Variants in VPS4B observed in about 807,000 individuals in gnomAD.
VPS4B encodes the protein vacuolar protein sorting 4 homolog B.
In VPS4B, 23 loss-of-function variants were observed where a neutral mutation model predicts 56.1. The ratio of observed to expected loss-of-function variants is 0.41; its 90% CI spans 0.30 to 0.58. The LOEUF (loss-of-function observed/expected upper bound fraction) is 0.58, where lower values mean the gene tolerates loss of function less well. VPS4B is among the 20% of genes least tolerant of loss of function. The pLI is 0.29. For missense variants in VPS4B, 372 were observed against 531.9 expected (o/e 0.70, Z 2.96); for synonymous variants, 177 against 186.0 (o/e 0.95, Z 0.39).
At chr18:63,409,400 T>G (rs1348375824) in intron 3 of VPS4B, among the ~76,000 whole-genome samples, 1 of 152,192 alleles carries the variant, frequency 6.6e-6, no homozygotes, top group African/African-American at 2.4e-5. Flanking sequence ...CCTGCGCCAC[T>G]GCATACCATG....
chr18:63,411,986 T>C (rs1916055531), intron 1 of VPS4B, among the ~76,000 whole-genome samples: 1 of 152,168 alleles, frequency 6.6e-6, no homozygotes, highest in Non-Finnish European at 1.5e-5. Flanking sequence ...CTAAAAGATA[T>C]AACAATAGTG....
At chr18:63,408,918 A>T (rs1568088633) in intron 3 of VPS4B, among the ~76,000 whole-genome samples, 1 of 152,192 alleles carries the variant, frequency 6.6e-6, no homozygotes, top group Non-Finnish European at 1.5e-5. Context: ...TGGACAAGGG[A>T]AGAGAAGCTT....
At chr18:63,421,653 G>A (rs1484540718) in intron 1 of VPS4B, among the ~76,000 whole-genome samples, 2 of 152,166 alleles carry the variant, frequency 1.3e-5, no homozygotes, top group African/African-American at 4.8e-5. Flanking sequence ...TGCGGTAGAG[G>A]AGGGGAAGTG....
intron 1 of VPS4B, among the ~76,000 whole-genome samples, chr18:63,420,993 A>C (rs1375008510): frequency 6.7e-6 from 1 of 149,964 alleles, no homozygotes; most frequent in South Asian, 2.1e-4. Context: ...AGCTGAAATC[A>C]CGCCACTGCA....
At chr18:63,394,469 C>CTTT (rs554481058) in intron 9 of VPS4B, among the ~76,000 whole-genome samples, 1 of 143,040 alleles carries the variant, frequency 7.0e-6, no homozygotes. Context: ...GGAGGCACTT[C>CTTT]TTTTTTTTTT....
rs893157709 is a variant in VPS4B at position 63,422,304 on chromosome 18, A to C, written c.-45T>G. ...TCCCAAGGGAACGAGGGGCGAGGAGAGCCAACAGCAGCAACGTCGAAGCGC... is the reference window on the plus strand; with the variant it reads ...TCCCAAGGGAACGAGGGGCGAGGAGCGCCAACAGCAGCAACGTCGAAGCGC... On this transcript the variant is annotated 5_prime_UTR_variant, in exon 1 of 11. Coordinates refer to ENST00000238497, the MANE Select transcript of VPS4B (RefSeq NM_004869.4). 1 of 1,461,836 alleles carries C rather than the reference A, an allele frequency of 6.8e-7. No homozygotes were observed. The highest frequency in any genetic ancestry group is 9.1e-7 in the Non-Finnish European group (1 of 1,102,844). 90.6% of individuals were successfully genotyped at this position (1,461,836 alleles called of 1,614,324 possible).
chr18:63,391,117 G>C, intron 10 of VPS4B, 41 bp from the exon 11 acceptor site: 2 of 1,328,792 alleles, frequency 1.5e-6, no homozygotes, highest in Non-Finnish European at 2.1e-6. Context: ...ATTAATAATA[G>C]AGTTAACAAA....
In VPS4B at chr18:63,403,809, G is replaced by T. The variant is rs1387781185; in HGVS notation, c.382C>A (p.Arg128=). 3 of 1,608,290 alleles carry T rather than the reference G, an allele frequency of 1.9e-6. No individual in the cohort carries two copies. Among genetic ancestry groups the T allele is most frequent in the East Asian group, 4.5e-5 (2 of 44,764 alleles). ...ACGTCACTCCATTTCACATTTGGTC[G>T]TTCTATAACAATGGCACCTGCAAAA... ...NQLQGAIVIE[R]PNVKWSDVAG... is the part of the protein sequence containing the mutation. The change falls in exon 5 of 11, where the codon CGA becomes AGA. Residue 128 remains arginine (R), a synonymous_variant. Coordinates refer to ENST00000238497, the MANE Select transcript of VPS4B (RefSeq NM_004869.4).
intron 9 of VPS4B, among the ~76,000 whole-genome samples, chr18:63,394,237 A>G (rs1462817709): frequency 1.3e-5 from 2 of 152,242 alleles, no homozygotes; most frequent in Non-Finnish European, 2.9e-5. Flanking sequence ...GTTGCTCTAT[A>G]GCTGAGAAAC....
At chr18:63,419,993 A>G (rs980648939) in intron 1 of VPS4B, among the ~76,000 whole-genome samples, 1 of 152,238 alleles carries the variant, frequency 6.6e-6, no homozygotes, top group Non-Finnish European at 1.5e-5. Flanking sequence ...TTCCTAGGTT[A>G]GAAGGTTGAA....
At chr18:63,407,011 A>C (rs1915933541) in intron 4 of VPS4B, among the ~76,000 whole-genome samples, 1 of 152,248 alleles carries the variant, frequency 6.6e-6, no homozygotes, top group African/African-American at 2.4e-5. Context: ...GCAGTTAAGA[A>C]ACAAAATAAA....
At position 63,397,105 on chromosome 18, in the gene VPS4B, TATC is replaced by T; in HGVS notation, c.1018_1020del (p.Asp340del). 3 of 1,614,236 alleles carry T rather than the reference TATC, an allele frequency of 1.9e-6. No homozygotes were observed. Among genetic ancestry groups the T allele is most frequent in the Non-Finnish European group, 2.5e-6 (3 of 1,180,040 alleles). On this transcript the variant is annotated inframe_deletion, in exon 9 of 11. Transcript: ENST00000238497. ...AGGGCATCACGTACAATGATACTTA[TATC>T]TGCCCCTGAATAACCATCTGTTTTC...
At chr18:63,393,279 T>A in intron 10 of VPS4B, 130 bp downstream of exon 10, 1 of 842,880 alleles carries the variant, frequency 1.2e-6, no homozygotes, top group Middle Eastern at 3.9e-4. Flanking sequence ...TTCATAATTT[T>A]TAATGAGTCA....
chr18:63,391,586 C>T (rs554211168), intron 10 of VPS4B, among the ~76,000 whole-genome samples: 3 of 152,228 alleles, frequency 2.0e-5, no homozygotes, highest in East Asian at 3.9e-4. Context: ...TGTGTAGAAA[C>T]GTATACTTTC....
Position 63,403,755 on chromosome 18 carries a change from G to T in VPS4B, c.436C>A (p.Leu146Met), listed in dbSNP as rs1304398410. The change falls in exon 5 of 11, where the codon CTG becomes ATG. Residue 146 changes from leucine (L) to methionine (M), a missense_variant. Coordinates refer to ENST00000238497, the MANE Select transcript of VPS4B (RefSeq NM_004869.4). Reference sequence around the variant, plus strand: ...ATAGGCAGTATCACAGCCTCTTTCAGTGCTTCTTTGGCTCCTTCAAGTCCA... The same window carrying T: ...ATAGGCAGTATCACAGCCTCTTTCATTGCTTCTTTGGCTCCTTCAAGTCCA... ...VAGLEGAKEA[L>M]KEAVILPIKF... 3 of 1,613,390 alleles carry T rather than the reference G, an allele frequency of 1.9e-6. No homozygotes were observed.
At chr18:63,412,907 A>G (rs1393736550) in intron 1 of VPS4B, among the ~76,000 whole-genome samples, 10 of 152,152 alleles carry the variant, frequency 6.6e-5, no homozygotes, top group Admixed American at 5.9e-4. Flanking sequence ...AGCATACTAT[A>G]TAAAAGAAAA....
rs1029505687 is a variant in VPS4B at position 63,390,312 on chromosome 18, G to A, written c.*663C>T. On this transcript the variant is annotated 3_prime_UTR_variant, in exon 11 of 11. Coordinates refer to ENST00000238497, the MANE Select transcript of VPS4B (RefSeq NM_004869.4). ...TGGTCTTGAACTCCTGACCTCAGGTGATCCACCCATCGTAGCCTCCCAAAG... is the reference window on the plus strand; with the variant it reads ...TGGTCTTGAACTCCTGACCTCAGGTAATCCACCCATCGTAGCCTCCCAAAG... 3 of 152,506 alleles carry A rather than the reference G, an allele frequency of 2.0e-5. No individual in the cohort carries two copies. Among genetic ancestry groups the A allele is most frequent in the African/African-American group, 7.2e-5 (3 of 41,434 alleles). The allele number at this position is 152,506 out of a possible 1,614,324, so 9.4% of individuals were successfully genotyped here.
At position 63,422,327 on chromosome 18, in the gene VPS4B, C is replaced by A. The variant is rs1916326224; in HGVS notation, c.-68G>T. 1 of 1,410,432 alleles carries A rather than the reference C, an allele frequency of 7.1e-7. No homozygotes were observed. The highest frequency in any genetic ancestry group is 1.5e-5 in the South Asian group (1 of 64,530). 87.4% of individuals were successfully genotyped at this position (1,410,432 alleles called of 1,614,324 possible). ...AGAGCCAACAGCAGCAACGTCGAAGCGCGCACGGGGTAACAGCCCTCAAAC... is the reference window on the plus strand; with the variant it reads ...AGAGCCAACAGCAGCAACGTCGAAGAGCGCACGGGGTAACAGCCCTCAAAC... On this transcript the variant is annotated 5_prime_UTR_variant, in exon 1 of 11. Transcript: ENST00000238497.
intron 1 of VPS4B, among the ~76,000 whole-genome samples, chr18:63,411,803 A>G (rs1196816675): frequency 2.0e-5 from 3 of 152,216 alleles, no homozygotes; most frequent in Non-Finnish European, 2.9e-5. Context: ...TGCAAATTAC[A>G]TGTTATAGGA....
Sources: gnomAD v4.1 joint callset for allele counts (sites outside exome capture counted in the v4.1 genomes callset) on GRCh38, gnomAD v4.1.1 for gene constraint, MANE v1.5 for transcripts, NCBI Gene and HGNC (gene_info 2026-07-23, HGNC 2026-07-21) for gene names.